The following KCNQ3 variants were observed in gnomAD, a reference collection of about 807,000 sequenced individuals.
KCNQ3 encodes the protein potassium voltage-gated channel subfamily KQT member 3.
KCNQ3 carries 30 observed loss-of-function variants against 92.5 expected under a neutral mutation model. That is an observed-to-expected ratio of 0.32 (90% CI 0.24 to 0.44). KCNQ3 has a LOEUF of 0.44. Among genes scored for constraint, KCNQ3 ranks in the 20% least tolerant of loss-of-function variants. The pLI is 1.00. For synonymous variants in KCNQ3, 450 were observed against 468.8 expected (o/e 0.96, Z 0.52); for missense variants, 913 against 1,140.3 (o/e 0.80, Z 2.87).
chr8:132,358,668 G>A (rs12676692), intron 1 of KCNQ3, among the ~76,000 whole-genome samples: 22,116 of 152,094 alleles, frequency 0.15, 2,167 homozygotes, highest in African/African-American at 0.27. Flanking sequence ...AGAATGGATG[G>A]TCCCCAGCAC....
At chr8:132,328,788 C>T (rs544054314) in intron 1 of KCNQ3, among the ~76,000 whole-genome samples, 22 of 152,258 alleles carry the variant, frequency 1.4e-4, no homozygotes, top group African/African-American at 5.1e-4. Context: ...CTAAAAGTAT[C>T]CACTCTACCA....
At chr8:132,351,731 G>C (rs200232356) in intron 1 of KCNQ3, among the ~76,000 whole-genome samples, 14 of 152,200 alleles carry the variant, frequency 9.2e-5, no homozygotes, top group Non-Finnish European at 1.5e-4. Flanking sequence ...GCTGTGGCTT[G>C]AGAAGCATCC....
At chr8:132,456,952 A>G (rs1821956193) in intron 1 of KCNQ3, among the ~76,000 whole-genome samples, 1 of 152,214 alleles carries the variant, frequency 6.6e-6, no homozygotes, top group Non-Finnish European at 1.5e-5. Flanking sequence ...TGAACTACAC[A>G]CTAACCCCAC....
intron 1 of KCNQ3, among the ~76,000 whole-genome samples, chr8:132,393,330 A>T (rs1450216675): frequency 6.6e-6 from 1 of 152,194 alleles, no homozygotes; most frequent in African/African-American, 2.4e-5. Flanking sequence ...TAGAACAGGG[A>T]TTGGCAAACT....
intron 1 of KCNQ3, among the ~76,000 whole-genome samples, chr8:132,229,129 T>C (rs1410465272): frequency 6.6e-6 from 1 of 151,998 alleles, no homozygotes; most frequent in Non-Finnish European, 1.5e-5. Flanking sequence ...TGGCACATGC[T>C]TGTAGTCCCA....
chr8:132,151,259 C>T (rs565511832), intron 9 of KCNQ3, among the ~76,000 whole-genome samples: 1 of 152,258 alleles, frequency 6.6e-6, no homozygotes, highest in African/African-American at 2.4e-5. Flanking sequence ...TAAAAAATTG[C>T]TAACTGTTAC....
Position 132,195,083 on chromosome 8 carries a change from A to G in KCNQ3, c.387-8902T>C, listed in dbSNP as rs1346412251. 3.9e-5 allele frequency among the ~76,000 whole-genome samples: 6 copies of G among 152,350 alleles called. No individual in the cohort carries two copies. In the South Asian group the frequency reaches 8.3e-4, roughly 21 times the overall value. The stretch of plus-strand genomic sequence containing the variant: ...ATACACCAGGGTCATTCAGGGAATT[A>G]AAACAAAACTGATGTGTTCATCTTC... On this transcript the variant is annotated intron_variant, in intron 1 of 14. Transcript: ENST00000388996.
chr8:132,181,548 G>C (rs1438296595), intron 3 of KCNQ3, among the ~76,000 whole-genome samples: 5 of 151,968 alleles, frequency 3.3e-5, no homozygotes, highest in Non-Finnish European at 7.4e-5. Flanking sequence ...ACTATTTTTT[G>C]CAAGGGCTCC....
chr8:132,295,036 C>A, intron 1 of KCNQ3, among the ~76,000 whole-genome samples: 1 of 152,136 alleles, frequency 6.6e-6, no homozygotes, highest in East Asian at 1.9e-4. Context: ...CAAAAATTGA[C>A]ACATGGGATC....
intron 1 of KCNQ3, 61 bp downstream of exon 1, chr8:132,480,086 C>A: frequency 9.2e-6 from 14 of 1,527,132 alleles, no homozygotes; most frequent in South Asian, 1.2e-5. Context: ...CAGCTCCAGC[C>A]CCGACCCCAA....
At chr8:132,295,772 C>A (rs1186837427) in intron 1 of KCNQ3, among the ~76,000 whole-genome samples, 2 of 152,148 alleles carry the variant, frequency 1.3e-5, no homozygotes, top group African/African-American at 4.8e-5. Context: ...CCTTAGCAAA[C>A]TAACACAGGA....
chr8:132,393,841 C>G (rs77339153), intron 1 of KCNQ3, among the ~76,000 whole-genome samples: 1 of 152,176 alleles, frequency 6.6e-6, no homozygotes, highest in East Asian at 1.9e-4. Context: ...CACTACAGAA[C>G]ATGTACCCTC....
intron 1 of KCNQ3, among the ~76,000 whole-genome samples, chr8:132,250,643 T>C (rs2130438842): frequency 6.6e-6 from 1 of 152,234 alleles, no homozygotes; most frequent in East Asian, 1.9e-4. Flanking sequence ...TCAGGAGACT[T>C]TTGGCTCATC....
intron 1 of KCNQ3, among the ~76,000 whole-genome samples, chr8:132,248,107 A>G (rs1815247791): frequency 6.6e-6 from 1 of 152,178 alleles, no homozygotes; most frequent in African/African-American, 2.4e-5. Context: ...AACTGCCATT[A>G]ACATTACAAC....
chr8:132,371,282 TG>T (rs1819466881), intron 1 of KCNQ3, among the ~76,000 whole-genome samples: 1 of 152,240 alleles, frequency 6.6e-6, no homozygotes, highest in Non-Finnish European at 1.5e-5. Flanking sequence ...CACAGGGCTC[TG>T]GTAGTTTGTT....
chr8:132,411,316 C>A (rs1014276397), intron 1 of KCNQ3, among the ~76,000 whole-genome samples: 12 of 152,190 alleles, frequency 7.9e-5, no homozygotes, highest in African/African-American at 2.6e-4. Flanking sequence ...TGTCCCCAGA[C>A]CTTGGGGACG....
At chr8:132,308,728 G>A (rs1817508254) in intron 1 of KCNQ3, among the ~76,000 whole-genome samples, 1 of 152,206 alleles carries the variant, frequency 6.6e-6, no homozygotes, top group South Asian at 2.1e-4. Flanking sequence ...ATTTGCTCAT[G>A]TAATTCTCAC....
chr8:132,132,473 C>T (rs1304367701), intron 13 of KCNQ3, among the ~76,000 whole-genome samples: 1 of 152,200 alleles, frequency 6.6e-6, no homozygotes, highest in African/African-American at 2.4e-5. Context: ...TCATGTTTAC[C>T]TCCACTGTAG....
chr8:132,148,289 G>A (rs544252874), intron 9 of KCNQ3, among the ~76,000 whole-genome samples: 10 of 152,030 alleles, frequency 6.6e-5, no homozygotes, highest in African/African-American at 2.4e-4. Flanking sequence ...TTGCTCTGTC[G>A]CCCAGGCTAG....
Sources: gnomAD v4.1 joint callset for allele counts (sites outside exome capture counted in the v4.1 genomes callset) on GRCh38, gnomAD v4.1.1 for gene constraint, MANE v1.5 for transcripts, NCBI Gene and HGNC (gene_info 2026-07-23, HGNC 2026-07-21) for gene names.